PIAS3: variants seen among roughly 807,000 people sequenced by gnomAD.
PIAS3 encodes the protein E3 SUMO-protein ligase PIAS3.
Under a neutral mutation model 67.6 loss-of-function variants are expected in PIAS3, and 34 were observed. The ratio of observed to expected loss-of-function variants is 0.50; its 90% confidence interval spans 0.38 to 0.67. The LOEUF (loss-of-function observed/expected upper bound fraction) is 0.67, where lower values mean the gene tolerates loss of function less well. Among genes scored for constraint, PIAS3 ranks in the 30% least tolerant of loss-of-function variants. PIAS3 has a pLI of 0.00. For synonymous variants in PIAS3, 341 were observed against 313.8 expected (o/e 1.09, Z -0.92); for missense variants, 693 against 791.6 (o/e 0.88, Z 1.49).
intron 5 of PIAS3, 135 bp downstream of exon 5, chr1:145,855,601 T>A: frequency 1.5e-6 from 1 of 656,684 alleles, no homozygotes; most frequent in East Asian, 2.6e-5. Flanking sequence ...ATTCTATTGA[T>A]TCAGTCAGTA....
Position 145,856,809 on chromosome 1 carries a change from A to T in PIAS3, c.222T>A (p.Asp74Glu). 2.5e-6 allele frequency: 4 copies of T among 1,614,094 alleles called. No homozygotes were observed. The highest frequency in any genetic ancestry group is 3.4e-6 in the Non-Finnish European group (4 of 1,179,994). Residue 74 changes from aspartate (D) to glutamate (E), a missense_variant, in exon 2 of 14, where the codon GAT becomes GAA. By Grantham distance (45) the Asp-to-Glu change is conservative (BLOSUM62 2). Transcript: ENST00000393045. ...RFPRKTLGPS[D>E]LSLLSLPPGT... ...CAGGGGGCAAAGAGAGAAGGGAGAG[A>T]TCAGAGGGCCCCAGGGTCTTCCGGG...
At chr1:145,852,659 T>C (rs782205951) in intron 9 of PIAS3, among the ~76,000 whole-genome samples, 3 of 151,536 alleles carry the variant, frequency 2.0e-5, no homozygotes, top group Non-Finnish European at 2.9e-5. Context: ...AATGCAATCA[T>C]AGCTCACTGC....
chr1:145,850,438 T>C lies in PIAS3; in HGVS notation c.1582+15A>G, dbSNP rs782201945. ...GTGTGGCAGTGCAGGGTCCATCTTATGACCCATGTCATACCTTGGATGTCG... is the reference window on the plus strand; with the variant it reads ...GTGTGGCAGTGCAGGGTCCATCTTACGACCCATGTCATACCTTGGATGTCG... On this transcript the variant is annotated intron_variant, in intron 12 of 13. Transcript: ENST00000393045. 1.2e-6 allele frequency: 2 copies of C among 1,614,078 alleles called. No individual in the cohort carries two copies. Among genetic ancestry groups the C allele is most frequent in the Non-Finnish European group, 1.7e-6 (2 of 1,179,950 alleles).
chr1:145,850,090 GATA>G (rs1652894246), intron 13 of PIAS3, 139 bp downstream of exon 13: 2 of 1,505,558 alleles, frequency 1.3e-6, no homozygotes, highest in Non-Finnish European at 8.8e-7. Flanking sequence ...GGGCTGAGGA[GATA>G]ATAAGATACC....
chr1:145,856,100 G>C lies in PIAS3; in HGVS notation c.546C>G (p.Ala182=). 1 of 1,613,936 alleles carries C rather than the reference G, an allele frequency of 6.2e-7. No homozygotes were observed. The highest frequency in any genetic ancestry group is 8.5e-7 in the Non-Finnish European group (1 of 1,179,834). ...GCACCTGTATGGTATAATCACATTT[G>C]GCTCCTGGCAGAACCTCTCTGTAAC... ...ILTSREVLPG[A]KCDYTIQVQL... is the part of the protein sequence containing the mutation. Residue 182 remains alanine, a synonymous_variant, in exon 4 of 14, where the codon GCC becomes GCG. Coordinates refer to ENST00000393045, the MANE Select transcript of PIAS3 (RefSeq NM_006099.3).
intron 6 of PIAS3, 30 bp downstream of exon 6, chr1:145,854,716 T>C: frequency 6.2e-7 from 1 of 1,614,072 alleles, no homozygotes; most frequent in Non-Finnish European, 8.5e-7. Flanking sequence ...TCAGCAGGCT[T>C]TTCCAGGCAC....
chr1:145,855,680 T>C, intron 5 of PIAS3, 56 bp downstream of exon 5: 1 of 932,774 alleles, frequency 1.1e-6, no homozygotes, highest in Non-Finnish European at 1.7e-6. Flanking sequence ...TTGTAGTTAA[T>C]ATTTATGAAC....
chr1:145,848,784 G>A lies in PIAS3; in HGVS notation c.*662C>T, dbSNP rs1553733394. The A allele has an allele frequency of 7.4e-6, 2 of 271,336 alleles. No individual in the cohort carries two copies. Among genetic ancestry groups the A allele is most frequent in the Non-Finnish European group, 6.9e-6 (1 of 143,904 alleles). The allele number at this position is 271,336 out of a possible 1,614,324, so 16.8% of individuals were successfully genotyped here. ...AGAGAGAGACCCAAGCAATAGGCCG[G>A]GCCTGACTCCCAGACCCCTGCAGAT... On this transcript the variant is annotated 3_prime_UTR_variant, in exon 14 of 14. Transcript: ENST00000393045.
chr1:145,856,163 A>G (rs1434308002), intron 3 of PIAS3, 45 bp from the exon 4 acceptor site: 1 of 1,546,336 alleles, frequency 6.5e-7, no homozygotes, highest in Non-Finnish European at 8.9e-7. Context: ...TGTAGCCCCC[A>G]GAGGGCAAGG....
intron 13 of PIAS3, 135 bp downstream of exon 13, chr1:145,850,097 A>G: frequency 2.0e-6 from 3 of 1,511,654 alleles, no homozygotes; most frequent in Non-Finnish European, 2.6e-6. Context: ...GGAGATAATA[A>G]GATACCTACA....
rs1653164431 is a variant in PIAS3, at chr1:145,856,053, G to A, written c.578+15C>T. The A allele has an allele frequency of 6.2e-7, 1 of 1,610,548 alleles. No homozygotes were observed. Among genetic ancestry groups the A allele is most frequent in the African/African-American group, 1.3e-5 (1 of 74,792 alleles). On this transcript the variant is annotated intron_variant, in intron 4 of 13. Coordinates refer to ENST00000393045, the MANE Select transcript of PIAS3 (RefSeq NM_006099.3). ...CCCAGTGGGTACCCAGGATAGGCAG[G>A]GAGGATGAACTCACCTTAGCTGCAC...
Position 145,850,589 on chromosome 1 carries a change from G to A in PIAS3, c.1449-3C>T. On this transcript the variant is annotated splice_region_variant and splice_polypyrimidine_tract_variant and intron_variant, in intron 11 of 13. Coordinates refer to ENST00000393045, the MANE Select transcript of PIAS3 (RefSeq NM_006099.3). ...GCTGGTGGCCAGATGTCAGGACTCT[G>A]TGGGTAGAGAGGAGCTGAGGCAGCC... 1.9e-6 allele frequency: 3 copies of A among 1,613,658 alleles called. No homozygotes were observed. The highest frequency in any genetic ancestry group is 2.5e-6 in the Non-Finnish European group (3 of 1,179,606).
In PIAS3 at chr1:145,856,708, C is replaced by T. The variant is rs137979084; in HGVS notation, c.323G>A (p.Gly108Asp). Residue 108 changes from glycine (G) to aspartate (D), a missense_variant, in exon 2 of 14, where the codon GGC (glycine) becomes GAC (aspartate). Coordinates refer to ENST00000393045, the MANE Select transcript of PIAS3 (RefSeq NM_006099.3). Reference sequence around the variant, plus strand: ...GTGCATGTCCACCTCACGCTTGGGGCCCAGCAGGGTGCCAGGGGCCAACAG... The same window carrying T: ...GTGCATGTCCACCTCACGCTTGGGGTCCAGCAGGGTGCCAGGGGCCAACAG... ...PTLLAPGTLL[G>D]PKREVDMHPP... 6.8e-6 allele frequency: 11 copies of T among 1,613,038 alleles called. No homozygotes were observed. Among genetic ancestry groups the T allele is most frequent in the Admixed American group, 6.7e-5 (4 of 59,938 alleles).
In PIAS3 at chr1:145,848,552, G is replaced by A; in HGVS notation, c.*894C>T. ...TTCACAACCTTTATTATGGGTGAGA[G>A]CTTCACTACAACTTTAGAAATAAAA... On this transcript the variant is annotated 3_prime_UTR_variant, in exon 14 of 14. Transcript: ENST00000393045. 1 of 1,011,732 alleles carries A rather than the reference G, an allele frequency of 9.9e-7. No homozygotes were observed. Among genetic ancestry groups the A allele is most frequent in the Non-Finnish European group, 1.5e-6 (1 of 658,318 alleles). 62.7% of individuals were successfully genotyped at this position (1,011,732 alleles called of 1,614,324 possible).
Position 145,856,137 on chromosome 1 carries a change from T to G in PIAS3, c.528-19A>C. ...AACCTCTCTGTAACAGGGAGGGAGA[T>G]GAAGAGATGTCAGCATGTAGCCCCC... On this transcript the variant is annotated intron_variant, in intron 3 of 13. Coordinates refer to ENST00000393045, the MANE Select transcript of PIAS3 (RefSeq NM_006099.3). The G allele has an allele frequency of 6.2e-7, 1 of 1,609,234 alleles. No individual in the cohort carries two copies. The highest frequency in any genetic ancestry group is 8.5e-7 in the Non-Finnish European group (1 of 1,175,744).
Position 145,853,608 on chromosome 1 carries a change from C to T in PIAS3, c.1041G>A (p.Gln347=). 1 of 1,614,088 alleles carries T rather than the reference C, an allele frequency of 6.2e-7. No individual in the cohort carries two copies. The part of the protein sequence containing the change: ...PCRALTCAHL[Q]SFDAALYLQM... ...GTAGATAAAGGGCAGCATCGAAGCT[C>T]TGCAGGTGGGCGCAGGTGAGGGCAC... The change falls in exon 9 of 14, where the codon CAG becomes CAA. Residue 347 remains glutamine, a synonymous_variant. Transcript: ENST00000393045.
intron 3 of PIAS3, 48 bp downstream of exon 3, chr1:145,856,299 C>A (rs1653180649): frequency 1.3e-6 from 2 of 1,505,160 alleles, no homozygotes; most frequent in South Asian, 2.2e-5. Flanking sequence ...AGAAGAAAGT[C>A]AGAAAGCAGA....
Position 145,855,658 on chromosome 1 carries a change from T to C in PIAS3, c.669+78A>G, listed in dbSNP as rs1570777908. On this transcript the variant is annotated intron_variant, in intron 5 of 13. Coordinates refer to ENST00000393045, the MANE Select transcript of PIAS3 (RefSeq NM_006099.3). ...CACGCACTGTGCTAGGCATGTCTCT[T>C]TCAGAATAGGTTTGTAGTTAATATT... 9.8e-6 allele frequency: 8 copies of C among 813,886 alleles called. No individual in the cohort carries two copies. In the East Asian group the frequency reaches 1.9e-4, roughly 20 times the overall value. The allele number at this position is 813,886 out of a possible 1,614,324, so 50.4% of individuals were successfully genotyped here. A position where few individuals can be genotyped will look rare whatever the true frequency, so the allele number is the denominator to read the frequency against.
intron 2 of PIAS3, 26 bp downstream of exon 2, chr1:145,856,563 G>A: frequency 6.3e-7 from 1 of 1,578,232 alleles, no homozygotes; most frequent in Non-Finnish European, 8.6e-7. Context: ...GAGTCCAGAA[G>A]ACTAAGGGAC....
Sources: allele counts gnomAD v4.1 joint callset (sites outside exome capture counted in the v4.1 genomes callset), GRCh38; gene constraint gnomAD v4.1.1; transcripts MANE v1.5; gene names NCBI Gene and HGNC (gene_info 2026-07-23, HGNC 2026-07-21).